Variants in PTK2 observed in about 807,000 individuals in gnomAD.
The protein encoded by PTK2 is protein tyrosine kinase 2.
A neutral mutation model predicts 150.1 loss-of-function variants in PTK2; 45 were observed. The observed-to-expected ratio is 0.30, with a 90% CI of 0.24 to 0.38. The LOEUF is 0.38. Among genes scored for constraint, PTK2 ranks in the 10% least tolerant of loss-of-function variants. The pLI, the probability that PTK2 is intolerant of heterozygous loss-of-function variation, is 1.00. For missense variants in PTK2, 919 were observed against 1,307.3 expected, an observed-to-expected ratio of 0.70 and a Z score of 4.58; for synonymous variants, 432 against 449.2, an observed-to-expected ratio of 0.96 and a Z score of 0.48.
chr8:140,867,802 C>T (rs1418606111), intron 4 of PTK2, among the ~76,000 whole-genome samples: 2 of 152,204 alleles, frequency 1.3e-5, no homozygotes, highest in Non-Finnish European at 2.9e-5. Context: ...TAGCATATTT[C>T]ACACAAAACT....
At chr8:140,885,418 G>A (rs2100151895) in intron 3 of PTK2, among the ~76,000 whole-genome samples, 1 of 152,156 alleles carries the variant, frequency 6.6e-6, no homozygotes, top group African/African-American at 2.4e-5. Flanking sequence ...ATACCATGAA[G>A]TACAAAGATC....
chr8:140,784,776 A>G (rs2100083935), intron 14 of PTK2, among the ~76,000 whole-genome samples: 1 of 152,224 alleles, frequency 6.6e-6, no homozygotes, highest in Non-Finnish European at 1.5e-5. Context: ...GCAGGGACAC[A>G]TGTTGTTCTG....
At chr8:140,836,786 T>G (rs2100118920) in intron 7 of PTK2, among the ~76,000 whole-genome samples, 1 of 152,172 alleles carries the variant, frequency 6.6e-6, no homozygotes, top group Non-Finnish European at 1.5e-5. Context: ...GCAGCTCACA[T>G]TCTCCATAGT....
chr8:140,803,801 A>C, intron 10 of PTK2, 151 bp from the exon 11 acceptor site: 2 of 692,124 alleles, frequency 2.9e-6, no homozygotes, highest in Non-Finnish European at 4.9e-6. Flanking sequence ...ATGCTGCCCC[A>C]GGGGAGCAGC....
chr8:140,676,027 T>C (rs117927035), intron 27 of PTK2, among the ~76,000 whole-genome samples: 1,619 of 152,216 alleles, frequency 0.011, 19 homozygotes, highest in Non-Finnish European at 0.017. Flanking sequence ...TCAATGAATG[T>C]CTGGATTAAA....
chr8:140,980,213 A>C (rs1238059094), intron 1 of PTK2, among the ~76,000 whole-genome samples: 1 of 152,262 alleles, frequency 6.6e-6, no homozygotes, highest in Non-Finnish European at 1.5e-5. Context: ...ATTACACAAC[A>C]GTGAAAATGA....
At chr8:140,840,378 C>T (rs776674611) in intron 7 of PTK2, among the ~76,000 whole-genome samples, 5 of 152,066 alleles carry the variant, frequency 3.3e-5, no homozygotes, top group African/African-American at 4.8e-5. Flanking sequence ...AAATCATATA[C>T]ATGTAGGGAA....
At chr8:140,999,786 T>C (rs1026985418) in intron 1 of PTK2, among the ~76,000 whole-genome samples, 4 of 152,062 alleles carry the variant, frequency 2.6e-5, no homozygotes, top group Non-Finnish European at 5.9e-5. Context: ...TTTCAAATAG[T>C]ACTGGTCTGT....
chr8:140,999,897 G>C (rs1287697658), intron 1 of PTK2, among the ~76,000 whole-genome samples: 1 of 151,638 alleles, frequency 6.6e-6, no homozygotes, highest in Non-Finnish European at 1.5e-5. Flanking sequence ...TCAGCTTTCA[G>C]CTTGAATGTA....
rs372336682 is a variant in PTK2 at position 140,948,208 on chromosome 8, A to C, written c.-121-22459T>G. Among the ~76,000 whole-genome samples the C allele has an allele frequency of 2.8e-4, 42 of 152,364 alleles. No individual in the cohort carries two copies. The East Asian group carries it at 6.4e-3, about 23-fold the overall frequency. ...CAAAGAGAAAAACTGGCCTTGAAAG[A>C]AAGCTAAGCTGGGAAAGCTCAAGAA... is the stretch of plus-strand genomic sequence containing the variant. On this transcript the variant is annotated intron_variant, in intron 1 of 31. Transcript: ENST00000522684.
intron 1 of PTK2, among the ~76,000 whole-genome samples, chr8:140,999,535 T>C (rs987771455): frequency 6.6e-6 from 1 of 152,196 alleles, no homozygotes; most frequent in Non-Finnish European, 1.5e-5. Context: ...TTGAATATCA[T>C]AGGGCTTTTC....
intron 26 of PTK2, 79 bp from the exon 30 acceptor site, chr8:140,686,773 C>T: frequency 8.3e-7 from 1 of 1,206,552 alleles, no homozygotes; most frequent in Non-Finnish European, 1.2e-6. Context: ...TAAATTCCTT[C>T]CTTTTTAACA....
chr8:140,848,150 G>C (rs185492362), intron 5 of PTK2, among the ~76,000 whole-genome samples: 3 of 152,168 alleles, frequency 2.0e-5, no homozygotes, highest in African/African-American at 7.2e-5. Context: ...CCTAGGAAGC[G>C]CTACAATTCA....
At chr8:140,829,113 A>G (rs2154602741) in intron 8 of PTK2, among the ~76,000 whole-genome samples, 1 of 152,372 alleles carries the variant, frequency 6.6e-6, no homozygotes, top group African/African-American at 2.4e-5. Flanking sequence ...ACACTGAAAA[A>G]GTCGAGCAGC....
At chr8:140,908,827 G>A (rs2100161985) in intron 2 of PTK2, among the ~76,000 whole-genome samples, 2 of 152,316 alleles carry the variant, frequency 1.3e-5, no homozygotes, top group South Asian at 4.1e-4. Context: ...AAGCCAAGGA[G>A]AGAGAAAACA....
intron 15 of PTK2, among the ~76,000 whole-genome samples, chr8:140,762,773 T>G (rs572178812): frequency 8.1e-5 from 12 of 148,764 alleles, no homozygotes; most frequent in African/African-American, 2.7e-4. Context: ...TGTTTTGGTG[T>G]TTTTTTTTTC....
chr8:140,849,678 C>A (rs2100127934), intron 5 of PTK2, among the ~76,000 whole-genome samples: 1 of 152,176 alleles, frequency 6.6e-6, no homozygotes, highest in African/African-American at 2.4e-5. Context: ...AGATAATAAT[C>A]CTACTTAAGG....
At chr8:140,898,779 T>C (rs1028806114) in intron 2 of PTK2, among the ~76,000 whole-genome samples, 1 of 152,166 alleles carries the variant, frequency 6.6e-6, no homozygotes, top group Non-Finnish European at 1.5e-5. Context: ...ATGCTTAAAG[T>C]ACACTGACCC....
At chr8:140,905,609 A>G (rs2100160570) in intron 2 of PTK2, among the ~76,000 whole-genome samples, 1 of 152,210 alleles carries the variant, frequency 6.6e-6, no homozygotes, top group Non-Finnish European at 1.5e-5. Flanking sequence ...AATATTAGAC[A>G]GATCAACAAG....
Sources: allele counts gnomAD v4.1 joint callset (sites outside exome capture counted in the v4.1 genomes callset), GRCh38; gene constraint gnomAD v4.1.1; transcripts MANE v1.5; gene names NCBI Gene and HGNC (gene_info 2026-07-23, HGNC 2026-07-21).